The following ADGRL1 variants were observed in gnomAD, a reference collection of about 807,000 sequenced individuals.
ADGRL1 encodes adhesion G protein-coupled receptor L1.
ADGRL1 carries 31 observed loss-of-function variants against 148.9 expected under a neutral mutation model. The ratio of observed to expected loss-of-function variants is 0.21; its 90% CI spans 0.16 to 0.28. ADGRL1 has a LOEUF of 0.28. Ranked by LOEUF, ADGRL1 falls within the 10% of genes least tolerant of loss-of-function variation. The pLI is 1.00. For synonymous variants in ADGRL1, 937 were observed against 900.3 expected (o/e 1.04, Z -0.73); for missense variants, 1,521 against 2,058.8 (o/e 0.74, Z 5.05).
rs540899819 is a variant in ADGRL1 at position 14,172,610 on chromosome 19, C to T, written c.285-1819G>A. On this transcript the variant is annotated intron_variant, in intron 3 of 22. Coordinates refer to ENST00000361434, the MANE Select transcript of ADGRL1 (RefSeq NM_014921.5). ...CAAAAATTAGCCAGGCGTGGTGGGG[C>T]GCACCGGTAATCCCAGCTACTCGGG... 7.9e-5 allele frequency among the ~76,000 whole-genome samples: 12 copies of T among 152,008 alleles called. No individual in the cohort carries two copies. In the South Asian group the frequency reaches 1.9e-3, roughly 24 times the overall value.
chr19:14,188,511 A>G (rs1971726575), intron 1 of ADGRL1, among the ~76,000 whole-genome samples: 2 of 151,990 alleles, frequency 1.3e-5, no homozygotes, highest in South Asian at 4.2e-4. Context: ...ATAAGCCCCT[A>G]CATCAGTGCA....
intron 2 of ADGRL1, among the ~76,000 whole-genome samples, chr19:14,182,538 G>A (rs189079329): frequency 6.7e-4 from 102 of 152,350 alleles, no homozygotes; most frequent in Non-Finnish European, 1.2e-3. Flanking sequence ...GTATGGCAGG[G>A]AGGCCCTTGG....
intron 2 of ADGRL1, among the ~76,000 whole-genome samples, chr19:14,178,499 T>C (rs377158013): frequency 2.5e-4 from 38 of 151,906 alleles, no homozygotes; most frequent in African/African-American, 8.4e-4. Context: ...AGCGAGACCC[T>C]ATCTCAATAA....
intron 1 of ADGRL1, among the ~76,000 whole-genome samples, chr19:14,200,175 A>G (rs1047721332): frequency 6.6e-6 from 1 of 152,222 alleles, no homozygotes; most frequent in Admixed American, 6.5e-5. Context: ...GCAGGGTCAC[A>G]GCCCGTGCAA....
chr19:14,190,155 G>T (rs1971839624), intron 1 of ADGRL1, among the ~76,000 whole-genome samples: 1 of 152,066 alleles, frequency 6.6e-6, no homozygotes, highest in South Asian at 2.1e-4. Context: ...AAACTCTTGA[G>T]CTCAAGCAAT....
chr19:14,176,474 C>T (rs1013633770), intron 3 of ADGRL1, among the ~76,000 whole-genome samples: 2 of 152,186 alleles, frequency 1.3e-5, no homozygotes, highest in African/African-American at 4.8e-5. Context: ...CACACAATCA[C>T]TCACACAGGC....
chr19:14,177,763 A>G lies in ADGRL1; in HGVS notation c.71-19T>C. On this transcript the variant is annotated intron_variant, in intron 2 of 22. Coordinates refer to ENST00000361434, the MANE Select transcript of ADGRL1 (RefSeq NM_014921.5). ...CTCAGGCCTGCAGGGAGGGTTGGGG[A>G]TGGTGTCACTCCTGGGCCTGGGCCA... The G allele has an allele frequency of 6.2e-7, 1 of 1,601,890 alleles. No homozygotes were observed. Among genetic ancestry groups the G allele is most frequent in the Admixed American group, 1.7e-5 (1 of 59,890 alleles).
At chr19:14,197,984 G>A (rs1972371421) in intron 1 of ADGRL1, among the ~76,000 whole-genome samples, 1 of 152,138 alleles carries the variant, frequency 6.6e-6, no homozygotes, top group African/African-American at 2.4e-5. Flanking sequence ...GGGTGGCCAG[G>A]AAATGCCTCC....
chr19:14,205,788 G>T (rs1972965037), intron 1 of ADGRL1, among the ~76,000 whole-genome samples, 197 bp downstream of exon 1: 3 of 151,224 alleles, frequency 2.0e-5, no homozygotes, highest in Non-Finnish European at 4.4e-5. Flanking sequence ...CCCCTCGCCA[G>T]TGGGGGTGAG....
At chr19:14,179,933 G>A (rs1971076766) in intron 2 of ADGRL1, among the ~76,000 whole-genome samples, 1 of 152,136 alleles carries the variant, frequency 6.6e-6, no homozygotes, top group Admixed American at 6.5e-5. Flanking sequence ...CTTTGTTAGG[G>A]CGGCCCTAGT....
In ADGRL1 at chr19:14,177,611, G is replaced by T; in HGVS notation, c.204C>A (p.Asp68Glu). The change falls in exon 3 of 23, where the codon GAC (aspartate) becomes GAA (glutamate). Residue 68 changes from aspartate (D) to glutamate (E), a missense_variant. Around this residue, in one of 8 missense-constraint regions of ADGRL1, gnomAD observed 334 missense variants for 512.5 expected, o/e 0.65. Coordinates refer to ENST00000361434, the MANE Select transcript of ADGRL1 (RefSeq NM_014921.5). The stretch of plus-strand genomic sequence containing the variant: ...GGAAAGGGTCAGCATCGCAAATCTT[G>T]TCGTCCGTGCGCCCGTAGTTGGCAT... The part of the protein sequence containing the change: ...VENANYGRTD[D>E]KICDADPFQM... 1 of 1,614,240 alleles carries T rather than the reference G, an allele frequency of 6.2e-7. No homozygotes were observed. Among genetic ancestry groups the T allele is most frequent in the Non-Finnish European group, 8.5e-7 (1 of 1,180,052 alleles).
intron 3 of ADGRL1, among the ~76,000 whole-genome samples, chr19:14,173,924 G>A (rs1970643967): frequency 2.1e-5 from 3 of 146,192 alleles, no homozygotes; most frequent in South Asian, 2.2e-4. Flanking sequence ...CCAGCCTGGG[G>A]GAGAGCAAGA....
intron 16 of ADGRL1, 106 bp downstream of exon 16, chr19:14,156,552 A>AGG (rs1968770137): frequency 2.2e-6 from 1 of 445,760 alleles, no homozygotes; most frequent in Non-Finnish European, 3.6e-6. Flanking sequence ...AGAGAGAGAG[A>AGG]GTGTGTGTGT....
intron 4 of ADGRL1, among the ~76,000 whole-genome samples, chr19:14,167,914 C>T (rs1970134416): frequency 6.6e-6 from 1 of 152,130 alleles, no homozygotes; most frequent in South Asian, 2.1e-4. Flanking sequence ...TCCGCCCTGC[C>T]CGCTGCCCTG....
intron 1 of ADGRL1, among the ~76,000 whole-genome samples, chr19:14,189,429 C>T (rs1177397338): frequency 3.3e-5 from 5 of 152,130 alleles, no homozygotes; most frequent in African/African-American, 9.7e-5. Flanking sequence ...AGGATTTCGT[C>T]ATGTTGCCTA....
Position 14,158,445 on chromosome 19 carries a change from C to T in ADGRL1, c.2257G>A (p.Gly753Ser), listed in dbSNP as rs1234727200. 1 of 1,613,738 alleles carries T rather than the reference C, an allele frequency of 6.2e-7. No homozygotes were observed. Among genetic ancestry groups the T allele is most frequent in the Non-Finnish European group, 8.5e-7 (1 of 1,180,040 alleles). The change falls in exon 12 of 23, where the codon GGC becomes AGC. Residue 753 changes from glycine (G) to serine (S), a missense_variant. Coordinates refer to ENST00000361434, the MANE Select transcript of ADGRL1 (RefSeq NM_014921.5). The part of the protein sequence containing the change: ...AGEAGPGGPG[G>S]ASLVVNSQVI... The stretch of plus-strand genomic sequence containing the variant: ...TGTGAGTTCACCACTAGAGAGGCGC[C>T]CCCAGGGCCACCCGGGCCTGCTTCG...
At chr19:14,171,692 G>C (rs1970483336) in intron 3 of ADGRL1, among the ~76,000 whole-genome samples, 1 of 152,186 alleles carries the variant, frequency 6.6e-6, no homozygotes, top group African/African-American at 2.4e-5. Context: ...GTGCTGCTGT[G>C]CAGACTTATA....
At chr19:14,156,820 G>C in intron 15 of ADGRL1, 96 bp from the exon 16 acceptor site, 1 of 1,519,664 alleles carries the variant, frequency 6.6e-7, no homozygotes, top group Non-Finnish European at 9.0e-7. Flanking sequence ...CAGCCTCTGG[G>C]ATCAGGAGGA....
rs898942918 is a variant in ADGRL1, at chr19:14,184,443, A to T, written c.-95-746T>A. Among the ~76,000 whole-genome samples the T allele has an allele frequency of 1.5e-4, 22 of 149,546 alleles. 1 individual carries two copies. Among genetic ancestry groups the T allele is most frequent in the Admixed American group, 4.0e-4 (6 of 15,008 alleles). On this transcript the variant is annotated intron_variant, in intron 1 of 22. Coordinates refer to ENST00000361434, the MANE Select transcript of ADGRL1 (RefSeq NM_014921.5). ...TTTTTTTCATTATTATTATTTTTTTAAATTTTAGAAACCAGGTCTCACTCT... is the reference window on the plus strand; with the variant it reads ...TTTTTTTCATTATTATTATTTTTTTTAATTTTAGAAACCAGGTCTCACTCT...
Sources: gnomAD v4.1 joint callset for allele counts (sites outside exome capture counted in the v4.1 genomes callset) on GRCh38, gnomAD v4.1.1 for gene constraint, gnomAD v4.1.1 regional missense constraint, MANE v1.5 for transcripts, NCBI Gene and HGNC (gene_info 2026-07-23, HGNC 2026-07-21) for gene names.